The following MLIP variants were observed in gnomAD, a reference collection of about 807,000 sequenced individuals.
MLIP encodes the protein muscular LMNA-interacting protein.
Under a neutral mutation model 84.8 loss-of-function variants are expected in MLIP, and 79 were observed. The ratio of observed to expected loss-of-function variants is 0.93; its 90% confidence interval spans 0.78 to 1.12. The LOEUF is 1.12. Among genes scored for constraint, MLIP ranks in the 50% most tolerant of loss-of-function variants. The pLI is 0.00. For missense variants in MLIP, 1,257 were observed against 1,160.6 expected (o/e 1.08, Z -1.21); for synonymous variants, 504 against 463.0 (o/e 1.09, Z -1.14).
rs373372798 is a variant in MLIP at position 54,265,995 on chromosome 6, T to C, written c.*40T>C. 63 of 1,609,210 alleles carry C rather than the reference T, an allele frequency of 3.9e-5. No individual in the cohort carries two copies. The African/African-American group carries it at 5.1e-4, about 13-fold the overall frequency. The stretch of plus-strand genomic sequence containing the variant: ...CTGAAAACACAGGCTGCTGAAGTTT[T>C]TTGGAATGCTGGTGCTAACCACTTG... On this transcript the variant is annotated 3_prime_UTR_variant, in exon 14 of 14. Transcript: ENST00000502396.
chr6:54,165,343 T>A (rs1453981565), intron 8 of MLIP, among the ~76,000 whole-genome samples: 4 of 151,914 alleles, frequency 2.6e-5, no homozygotes, highest in Non-Finnish European at 5.9e-5. Flanking sequence ...CCAGTCGTCA[T>A]TGCTGAGAAG....
intron 4 of MLIP, among the ~76,000 whole-genome samples, chr6:54,147,460 G>A (rs1772973655): frequency 1.3e-5 from 2 of 152,066 alleles, no homozygotes; most frequent in Non-Finnish European, 2.9e-5. Context: ...AGCAACTTAG[G>A]GCTTGAAGTG....
At chr6:54,249,840 G>T (rs1041557575) in intron 12 of MLIP, among the ~76,000 whole-genome samples, 2 of 151,754 alleles carry the variant, frequency 1.3e-5, no homozygotes, top group Non-Finnish European at 2.9e-5. Flanking sequence ...TTGCAGGTTT[G>T]TTACATAGGT....
intron 1 of MLIP, among the ~76,000 whole-genome samples, chr6:54,088,028 A>C (rs1440637811): frequency 6.6e-6 from 1 of 152,214 alleles, no homozygotes; most frequent in Non-Finnish European, 1.5e-5. Context: ...AGAAACGGCC[A>C]TGGTATCATT....
intron 11 of MLIP, among the ~76,000 whole-genome samples, chr6:54,218,974 C>A (rs1419380936): frequency 6.6e-6 from 1 of 150,926 alleles, no homozygotes; most frequent in African/African-American, 2.5e-5. Context: ...GAGGCTGAAG[C>A]AGGCGGATCA....
intron 9 of MLIP, among the ~76,000 whole-genome samples, chr6:54,171,158 C>G (rs1582379164): frequency 6.6e-6 from 1 of 151,620 alleles, no homozygotes; most frequent in African/African-American, 2.4e-5. Flanking sequence ...GCGGCTTCTT[C>G]AATCTCCATA....
chr6:54,218,234 G>A (rs573099441), intron 11 of MLIP: 1 of 154,532 alleles, frequency 6.5e-6, no homozygotes, highest in Non-Finnish European at 1.4e-5. Flanking sequence ...ATGTGGTATA[G>A]GCTATTACTG....
rs144648296 is a variant in MLIP, at chr6:54,052,761, A to C, written c.63+33670A>C. Among the ~76,000 whole-genome samples, 619 of 152,290 alleles carry C rather than the reference A, an allele frequency of 4.1e-3. 3 individuals carry two copies. The highest frequency in any genetic ancestry group is 0.014 in the African/African-American group (589 of 41,554). Reference sequence around the variant, plus strand: ...ATAGTCCAAGATAGAAATATGAGAAAACATTGTGACAAATTATAAATATAA... The same window carrying C: ...ATAGTCCAAGATAGAAATATGAGAACACATTGTGACAAATTATAAATATAA... On this transcript the variant is annotated intron_variant, in intron 1 of 12. Transcript: ENST00000274897.
At chr6:54,047,717 T>C (rs922642928) in intron 1 of MLIP, 3 of 152,162 alleles carry the variant, frequency 2.0e-5, no homozygotes, top group Non-Finnish European at 2.9e-5. Context: ...CAGATAATAA[T>C]GAAAACTAAT....
intron 10 of MLIP, among the ~76,000 whole-genome samples, chr6:54,201,819 G>A (rs992200026): frequency 1.3e-5 from 2 of 152,162 alleles, no homozygotes; most frequent in African/African-American, 4.8e-5. Context: ...AATGAAATAT[G>A]TGTTGACCAA....
Position 54,224,451 on chromosome 6 carries a change from A to G in MLIP, c.2719-6263A>G, listed in dbSNP as rs576533250. On this transcript the variant is annotated intron_variant, in intron 11 of 13. Coordinates refer to ENST00000502396, the MANE Select transcript of MLIP (RefSeq NM_001281747.2). ...AAAAAAATGAAAAGTTACCCTCAAAAAGCTCCAAGTCACAAATAGATTCCC... is the reference window on the plus strand; with the variant it reads ...AAAAAAATGAAAAGTTACCCTCAAAGAGCTCCAAGTCACAAATAGATTCCC... 4.1e-4 allele frequency among the ~76,000 whole-genome samples: 63 copies of G among 152,210 alleles called. 1 individual carries two copies. The South Asian group carries it at 0.012, about 30-fold the overall frequency.
At chr6:54,222,627 T>C (rs1780292966) in intron 11 of MLIP, among the ~76,000 whole-genome samples, 1 of 152,110 alleles carries the variant, frequency 6.6e-6, no homozygotes, top group South Asian at 2.1e-4. Flanking sequence ...CACTTACCTG[T>C]CAATACACAT....
intron 11 of MLIP, among the ~76,000 whole-genome samples, chr6:54,212,283 T>A (rs1007189726): frequency 5.9e-5 from 9 of 152,346 alleles, no homozygotes; most frequent in African/African-American, 2.2e-4. Flanking sequence ...GATCTTATTG[T>A]CTTCACCCGC....
At chr6:54,178,752 A>T (rs1776555497) in intron 9 of MLIP, among the ~76,000 whole-genome samples, 1 of 152,170 alleles carries the variant, frequency 6.6e-6, no homozygotes, top group Non-Finnish European at 1.5e-5. Context: ...TGGTCAGAGA[A>T]GATGCTTGAT....
intron 10 of MLIP, among the ~76,000 whole-genome samples, chr6:54,198,894 GTA>G (rs1294537991): frequency 2.7e-5 from 2 of 74,708 alleles, no homozygotes; most frequent in Non-Finnish European, 7.9e-5. Context: ...GTGTGTGTGT[GTA>G]TATGTGTGTG....
At chr6:54,178,537 C>G (rs548480169) in intron 9 of MLIP, among the ~76,000 whole-genome samples, 1 of 152,078 alleles carries the variant, frequency 6.6e-6, no homozygotes, top group South Asian at 2.1e-4. Flanking sequence ...TAGGCACTTA[C>G]AGCTATAAAT....
intron 9 of MLIP, among the ~76,000 whole-genome samples, chr6:54,184,063 T>G (rs1777156879): frequency 6.6e-6 from 1 of 152,160 alleles, no homozygotes; most frequent in Admixed American, 6.5e-5. Flanking sequence ...AGCTTAGCAC[T>G]CAGTAATAAC....
At chr6:54,169,401 A>T (rs1775537346) in intron 8 of MLIP, 127 bp from the exon 9 acceptor site, 2 of 455,656 alleles carry the variant, frequency 4.4e-6, no homozygotes, top group African/African-American at 4.1e-5. Flanking sequence ...CTAAAAAATG[A>T]TATTGTATAG....
chr6:54,071,070 A>C (rs967379909), intron 1 of MLIP, among the ~76,000 whole-genome samples: 1 of 152,204 alleles, frequency 6.6e-6, no homozygotes, highest in African/African-American at 2.4e-5. Context: ...ACCCACGTCT[A>C]TATAATGTAG....
Sources: allele counts gnomAD v4.1 joint callset (sites outside exome capture counted in the v4.1 genomes callset), GRCh38; gene constraint gnomAD v4.1.1; transcripts MANE v1.5; gene names NCBI Gene and HGNC (gene_info 2026-07-23, HGNC 2026-07-21).